KIF13B: variants seen among roughly 807,000 people sequenced by gnomAD.
The protein encoded by KIF13B is kinesin-like protein KIF13B.
KIF13B carries 127 observed loss-of-function variants against 222.0 expected under a neutral mutation model. The ratio of observed to expected loss-of-function variants is 0.57; its 90% CI spans 0.50 to 0.66. The LOEUF (loss-of-function observed/expected upper bound fraction) is 0.66. Ranked by LOEUF, KIF13B falls within the 30% of genes least tolerant of loss-of-function variation. The pLI is 0.00. For synonymous variants in KIF13B, 976 were observed against 919.0 expected, an observed-to-expected ratio of 1.06 and a Z score of -1.12; for missense variants, 2,173 against 2,379.0, an observed-to-expected ratio of 0.91 and a Z score of 1.80.
At chr8:29,193,108 GAGA>G (rs1813261480) in intron 3 of KIF13B, among the ~76,000 whole-genome samples, 1 of 152,154 alleles carries the variant, frequency 6.6e-6, no homozygotes, top group Non-Finnish European at 1.5e-5. Context: ...GCAGGCAGGG[GAGA>G]CACCTGTTCC....
At chr8:29,139,379 CTA>C in intron 21 of KIF13B, among the ~76,000 whole-genome samples, 1 of 152,204 alleles carries the variant, frequency 6.6e-6, no homozygotes, top group Admixed American at 6.5e-5. Flanking sequence ...GTCATCAACC[CTA>C]TGTCTCCATC....
At position 29,186,468 on chromosome 8, in the gene KIF13B, A is replaced by G; in HGVS notation, c.321T>C (p.Ser107=). 6.2e-7 allele frequency: 1 copy of G among 1,600,984 alleles called. No individual in the cohort carries two copies. The highest frequency in any genetic ancestry group is 8.5e-7 in the Non-Finnish European group (1 of 1,176,442). Residue 107 remains serine, a synonymous_variant, in exon 6 of 40, where the codon TCT becomes TCC. Coordinates refer to ENST00000524189, the MANE Select transcript of KIF13B (RefSeq NM_015254.4). ...TGCCCATCATGGTATAAGATTTTCCAGAGCCTAAAAAAATGGAAATCAGAG... is the reference window on the plus strand; with the variant it reads ...TGCCCATCATGGTATAAGATTTTCCGGAGCCTAAAAAAATGGAAATCAGAG... ...ACIFAYGQTG[S]GKSYTMMGTA...
intron 2 of KIF13B, among the ~76,000 whole-genome samples, chr8:29,244,230 G>C (rs1438714216): frequency 6.6e-6 from 1 of 152,168 alleles, no homozygotes; most frequent in Non-Finnish European, 1.5e-5. Flanking sequence ...AGCCAGGATG[G>C]TCTCGATCTC....
chr8:29,140,257 C>G, intron 20 of KIF13B, 66 bp from the exon 21 acceptor site: 1 of 1,592,998 alleles, frequency 6.3e-7, no homozygotes, highest in African/African-American at 1.3e-5. Context: ...GAGATGACCT[C>G]TCTTCTCTTT....
At chr8:29,101,651 C>T (rs868835398) in intron 35 of KIF13B, among the ~76,000 whole-genome samples, 1 of 152,120 alleles carries the variant, frequency 6.6e-6, no homozygotes, top group Non-Finnish European at 1.5e-5. Context: ...CCCTGCAGAG[C>T]GTGACAAACA....
At chr8:29,111,814 AG>A (rs1809368236) in intron 32 of KIF13B, among the ~76,000 whole-genome samples, 1 of 152,230 alleles carries the variant, frequency 6.6e-6, no homozygotes, top group Admixed American at 6.5e-5. Context: ...TGGAAAATAT[AG>A]AAAATGTTTA....
At chr8:29,228,472 A>AAAAAATATAT in intron 2 of KIF13B, among the ~76,000 whole-genome samples, 8,551 of 117,012 alleles carry the variant, frequency 0.073, 811 homozygotes, top group Non-Finnish European at 0.11. Flanking sequence ...ATCTTAAAAA[A>AAAAAATATAT]ATATATATAT....
intron 3 of KIF13B, among the ~76,000 whole-genome samples, chr8:29,192,411 G>C (rs560134901): frequency 6.6e-6 from 1 of 152,210 alleles, no homozygotes; most frequent in East Asian, 1.9e-4. Context: ...ATATGTTGTT[G>C]TTGTGTTTTT....
At chr8:29,113,336 T>C (rs1394900525) in intron 32 of KIF13B, 127 bp downstream of exon 32, 1 of 547,880 alleles carries the variant, frequency 1.8e-6, no homozygotes, top group East Asian at 3.1e-5. Flanking sequence ...AAAATTCCTC[T>C]AAAAATCTAT....
intron 10 of KIF13B, among the ~76,000 whole-genome samples, chr8:29,172,082 CTT>C (rs35655869): frequency 4.4e-5 from 5 of 113,260 alleles, no homozygotes; most frequent in South Asian, 3.0e-4. Context: ...ATTTTCTTTT[CTT>C]TTTTTTTTTT....
Position 29,142,307 on chromosome 8 carries a change from CAA to C in KIF13B, c.2188-6_2188-5del. The C allele has an allele frequency of 4.3e-6, 7 of 1,609,276 alleles. No individual in the cohort carries two copies. The highest frequency in any genetic ancestry group is 5.9e-6 in the Non-Finnish European group (7 of 1,177,600). ...GCTCACTAAGAAGAGAGCCTCGCTG[CAA>C]AGAGAGTAAGAATGACCGTGAGAAA... On this transcript the variant is annotated splice_polypyrimidine_tract_variant and splice_region_variant and intron_variant, in intron 18 of 39. Coordinates refer to ENST00000524189, the MANE Select transcript of KIF13B (RefSeq NM_015254.4).
Position 29,188,540 on chromosome 8 carries a change from T to A in KIF13B, c.291A>T (p.Ala97=). Residue 97 remains alanine (A), a synonymous_variant, in exon 5 of 40, where the codon GCA becomes GCT. Coordinates refer to ENST00000524189, the MANE Select transcript of KIF13B (RefSeq NM_015254.4). ...CAGTCTGTCCATAGGCAAAGATACA[T>A]GCATTGTAGCCATCAAAAGCATTCT... ...ILQNAFDGYN[A]CIFAYGQTGS... is the part of the protein sequence containing the mutation. 1.9e-6 allele frequency: 3 copies of A among 1,610,262 alleles called. No individual in the cohort carries two copies. The highest frequency in any genetic ancestry group is 1.7e-6 in the Non-Finnish European group (2 of 1,176,802).
At chr8:29,121,642 G>T (rs1376491317) in intron 29 of KIF13B, among the ~76,000 whole-genome samples, 1 of 134,824 alleles carries the variant, frequency 7.4e-6, no homozygotes, top group Non-Finnish European at 1.6e-5. Context: ...GGACATAGGC[G>T]TGGGCAAGGA....
chr8:29,144,145 A>C (rs1810948499), intron 18 of KIF13B, among the ~76,000 whole-genome samples: 1 of 152,148 alleles, frequency 6.6e-6, no homozygotes, highest in Non-Finnish European at 1.5e-5. Context: ...TTAAAACTGA[A>C]GAGAACTTTG....
At chr8:29,165,911 G>GTAGATCGAAGTACCTCGATTA in intron 11 of KIF13B, 139 bp from the exon 12 acceptor site, 1 of 672,080 alleles carries the variant, frequency 1.5e-6, no homozygotes, top group South Asian at 1.9e-5. Context: ...TACTTCGATT[G>GTAGATCGAAGTACCTCGATTA]TAGATCGAAG....
At chr8:29,250,152 T>C (rs901775324) in intron 1 of KIF13B, 32 of 801,480 alleles carry the variant, frequency 4.0e-5, no homozygotes, top group Non-Finnish European at 1.3e-5. Flanking sequence ...CACCACAAAG[T>C]TGGTCATTAG....
At chr8:29,223,525 A>C (rs1814864204) in intron 2 of KIF13B, among the ~76,000 whole-genome samples, 1 of 152,166 alleles carries the variant, frequency 6.6e-6, no homozygotes, top group South Asian at 2.1e-4. Context: ...AAATGGATAA[A>C]AGATAGATCA....
Position 29,067,990 on chromosome 8 carries a change from C to CTCAG in KIF13B, c.*2510_*2513dup, listed in dbSNP as rs1395824238. 1 of 152,430 alleles carries CTCAG rather than the reference C, an allele frequency of 6.6e-6. No individual in the cohort carries two copies. Among genetic ancestry groups the CTCAG allele is most frequent in the Admixed American group, 6.5e-5 (1 of 15,306 alleles). The allele number at this position is 152,430 out of a possible 1,614,324, so 9.4% of individuals were successfully genotyped here. On this transcript the variant is annotated 3_prime_UTR_variant, in exon 40 of 40. Transcript: ENST00000524189. ...GAAGTGAGCCTTCTCACCCTGGAGC[C>CTCAG]TCAGTCCTTCATAAGGGCCCGAGGG...
chr8:29,151,567 C>T (rs763231214), intron 14 of KIF13B, among the ~76,000 whole-genome samples: 6 of 152,152 alleles, frequency 3.9e-5, no homozygotes, highest in Admixed American at 6.5e-5. Flanking sequence ...AATCCTAGGG[C>T]CCTTAAGAAT....
Sources: gnomAD v4.1 joint callset for allele counts (sites outside exome capture counted in the v4.1 genomes callset) on GRCh38, gnomAD v4.1.1 for gene constraint, MANE v1.5 for transcripts, NCBI Gene and HGNC (gene_info 2026-07-23, HGNC 2026-07-21) for gene names.